Variants in SYN3 observed in about 807,000 individuals in gnomAD.
SYN3 encodes the protein synapsin III.
In SYN3, 35 loss-of-function variants were observed where a neutral mutation model predicts 65.8. The ratio of observed to expected loss-of-function variants is 0.53; its 90% CI spans 0.41 to 0.70. SYN3 has a LOEUF of 0.70. Ranked by LOEUF, SYN3 falls within the 30% of genes least tolerant of loss-of-function variation. The pLI, the probability that SYN3 is intolerant of heterozygous loss-of-function variation, is 0.00. For missense variants in SYN3, 680 were observed against 749.0 expected (o/e 0.91, Z 1.08); for synonymous variants, 270 against 292.9 (o/e 0.92, Z 0.80).
chr22:32,678,551 TTCA>T (rs2060478269), intron 6 of SYN3, among the ~76,000 whole-genome samples: 1 of 151,754 alleles, frequency 6.6e-6, no homozygotes, highest in Non-Finnish European at 1.5e-5. Flanking sequence ...CTCCTCCTCC[TTCA>T]TCCTCCTCCT....
intron 3 of SYN3, among the ~76,000 whole-genome samples, chr22:32,966,889 C>G (rs147053011): frequency 6.6e-6 from 1 of 152,210 alleles, no homozygotes; most frequent in East Asian, 1.9e-4. Flanking sequence ...GCACTCCAGC[C>G]TGTGTGACAG....
intron 1 of SYN3, among the ~76,000 whole-genome samples, chr22:33,055,761 T>C (rs905082680): frequency 2.6e-5 from 4 of 152,238 alleles, no homozygotes; most frequent in Non-Finnish European, 5.9e-5. Context: ...CTCTATCACA[T>C]ACTGGCTATG....
Position 33,039,649 on chromosome 22 carries a change from G to A in SYN3, c.-163+18643C>T, listed in dbSNP as rs900996641. Among the ~76,000 whole-genome samples the A allele has an allele frequency of 1.4e-4, 21 of 151,976 alleles. 1 individual carries two copies. The highest frequency in any genetic ancestry group is 5.2e-4 in the Admixed American group (8 of 15,270). On this transcript the variant is annotated intron_variant, in intron 1 of 13. Coordinates refer to ENST00000358763, the MANE Select transcript of SYN3 (RefSeq NM_003490.4). Reference sequence around the variant, plus strand: ...GACCTCATGTGACCTCATGTGATCCGCCCACCTTGACCTCCCAAAATGCTG... The same window carrying A: ...GACCTCATGTGACCTCATGTGATCCACCCACCTTGACCTCCCAAAATGCTG...
intron 6 of SYN3, among the ~76,000 whole-genome samples, chr22:32,608,865 G>A (rs776397687): frequency 2.6e-5 from 4 of 152,008 alleles, no homozygotes; most frequent in Admixed American, 6.6e-5. Context: ...AACTCTTTGG[G>A]GATAATTTAA....
At chr22:32,538,911 C>A (rs1458086426) in intron 8 of SYN3, among the ~76,000 whole-genome samples, 2 of 152,138 alleles carry the variant, frequency 1.3e-5, no homozygotes, top group Non-Finnish European at 2.9e-5. Flanking sequence ...TTAACTTCAT[C>A]CCCTGTATAC....
Position 32,508,591 on chromosome 22 carries a change from A to C in SYN3, c.*5101T>G, listed in dbSNP as rs1390204876. Among the ~76,000 whole-genome samples, 1 of 152,178 alleles carries C rather than the reference A, an allele frequency of 6.6e-6. No homozygotes were observed. The highest frequency in any genetic ancestry group is 2.4e-5 in the African/African-American group (1 of 41,440). The stretch of plus-strand genomic sequence containing the variant: ...TTTGGAAGAGGTCTTTTTGAGGTTG[A>C]AAACCTGCCATTGATCTTCTTCCGC... On this transcript the variant is annotated 3_prime_UTR_variant, in exon 14 of 14. Transcript: ENST00000358763.
chr22:32,771,712 C>T (rs1458534736), intron 6 of SYN3, among the ~76,000 whole-genome samples: 1 of 152,170 alleles, frequency 6.6e-6, no homozygotes, highest in African/African-American at 2.4e-5. Flanking sequence ...GCCCATTATT[C>T]ATTTTCAAGC....
Position 33,046,957 on chromosome 22 carries a change from C to A in SYN3, c.-163+11335G>T, listed in dbSNP as rs141641128. Among the ~76,000 whole-genome samples the A allele has an allele frequency of 4.1e-4, 62 of 152,156 alleles. No individual in the cohort carries two copies. In the East Asian group the frequency reaches 9.3e-3, roughly 23 times the overall value. ...CATCTTCTCCAACTCTCCCTTCCCC[C>A]ACCTCTTACCTGTCCTGAGGTCCAT... On this transcript the variant is annotated intron_variant, in intron 1 of 13. Coordinates refer to ENST00000358763, the MANE Select transcript of SYN3 (RefSeq NM_003490.4).
At chr22:32,899,014 A>G (rs986582606) in intron 4 of SYN3, among the ~76,000 whole-genome samples, 3 of 150,896 alleles carry the variant, frequency 2.0e-5, no homozygotes, top group African/African-American at 7.3e-5. Flanking sequence ...AGGCAGGAGA[A>G]TCGCTTGAAC....
intron 6 of SYN3, among the ~76,000 whole-genome samples, chr22:32,828,231 G>GC (rs1386879494): frequency 1.3e-5 from 2 of 152,222 alleles, no homozygotes; most frequent in Non-Finnish European, 2.9e-5. Context: ...GAGTGTCTGT[G>GC]CTGGATTCAA....
chr22:32,966,717 C>A (rs1446196019), intron 3 of SYN3, among the ~76,000 whole-genome samples: 2 of 152,138 alleles, frequency 1.3e-5, no homozygotes, highest in Non-Finnish European at 2.9e-5. Context: ...GAGTTTGAGA[C>A]CAGTCTGGGC....
At chr22:32,935,243 T>C (rs999393367) in intron 3 of SYN3, among the ~76,000 whole-genome samples, 14 of 152,054 alleles carry the variant, frequency 9.2e-5, no homozygotes, top group Admixed American at 2.6e-4. Flanking sequence ...ACCAAAAACA[T>C]GCGCATAGAA....
intron 10 of SYN3, among the ~76,000 whole-genome samples, chr22:32,531,629 C>T (rs1234237804): frequency 6.6e-6 from 1 of 152,006 alleles, no homozygotes; most frequent in Non-Finnish European, 1.5e-5. Flanking sequence ...CACACATTTT[C>T]AGTTCTCACC....
rs560540161 is a variant in SYN3 at position 32,980,876 on chromosome 22, C to T, written c.312-174G>A. Among the ~76,000 whole-genome samples, 16 of 150,874 alleles carry T rather than the reference C, an allele frequency of 1.1e-4. No individual in the cohort carries two copies. In the South Asian group the frequency reaches 1.5e-3, roughly 14 times the overall value. ...AGTCTTTTTTTTTTTTCTTTTGAGA[C>T]GGAGTTTCACTCTTGTTGCCTAGGC... On this transcript the variant is annotated intron_variant, in intron 2 of 13. Coordinates refer to ENST00000358763, the MANE Select transcript of SYN3 (RefSeq NM_003490.4).
At position 32,770,636 on chromosome 22, in the gene SYN3, C is replaced by T. The variant is rs73156479; in HGVS notation, c.711+94279G>A. 3.5e-3 allele frequency among the ~76,000 whole-genome samples: 535 copies of T among 152,222 alleles called. 4 individuals are homozygous for T. Among genetic ancestry groups the T allele is most frequent in the Non-Finnish European group, 5.0e-3 (338 of 68,010 alleles). ...TCATGTCTCTGCTTCGTTGGAGAGA[C>T]CCTCCTTACCCATCATATAATACAG... On this transcript the variant is annotated intron_variant, in intron 6 of 13. Transcript: ENST00000358763.
intron 1 of SYN3, among the ~76,000 whole-genome samples, chr22:33,056,841 T>C (rs1306101028): frequency 6.6e-6 from 1 of 152,190 alleles, no homozygotes; most frequent in African/African-American, 2.4e-5. Flanking sequence ...ACACACAGCC[T>C]TGCCTCCAAT....
chr22:33,001,358 G>A (rs1360704802), intron 2 of SYN3, among the ~76,000 whole-genome samples: 1 of 152,190 alleles, frequency 6.6e-6, no homozygotes, highest in Non-Finnish European at 1.5e-5. Context: ...TAAATGTTAT[G>A]TCTGAGGCCA....
chr22:32,554,772 C>A (rs528804664), intron 7 of SYN3, among the ~76,000 whole-genome samples: 1 of 152,128 alleles, frequency 6.6e-6, no homozygotes, highest in East Asian at 1.9e-4. Flanking sequence ...GCTCCATCTG[C>A]GAGACACACC....
chr22:32,783,794 AACAAACCAATCTCATCTTTGGC>A (rs894996409), intron 6 of SYN3, among the ~76,000 whole-genome samples: 1 of 152,256 alleles, frequency 6.6e-6, no homozygotes, highest in African/African-American at 2.4e-5. Flanking sequence ...GGGGAAACTA[AACAAACCAATCTCATCTTTGGC>A]ACAAACCAAT....
Sources: gnomAD v4.1 joint callset for allele counts (sites outside exome capture counted in the v4.1 genomes callset) on GRCh38, gnomAD v4.1.1 for gene constraint, MANE v1.5 for transcripts, NCBI Gene and HGNC (gene_info 2026-07-23, HGNC 2026-07-21) for gene names.